The following CPNE7 variants were observed in gnomAD, a reference collection of about 807,000 sequenced individuals.
CPNE7 encodes copine 7.
A neutral mutation model predicts 66.5 loss-of-function variants in CPNE7; 78 were observed. The observed-to-expected ratio is 1.17, with a 90% CI of 0.98 to 1.42. The LOEUF (loss-of-function observed/expected upper bound fraction) is 1.42. CPNE7 is among the 40% of genes most tolerant of loss of function. The pLI, the probability that CPNE7 is intolerant of heterozygous loss-of-function variation, is 0.00. For missense variants in CPNE7, 1,012 were observed against 776.6 expected, an observed-to-expected ratio of 1.30 and a Z score of -3.60; for synonymous variants, 468 against 336.7, an observed-to-expected ratio of 1.39 and a Z score of -4.27.
rs545832005 is a variant in CPNE7, at chr16:89,588,566, G to A, written c.928-109G>A. ...GCCCCCCAGCCCTACCCACCTACGCGACCCCTGACCCTGAGTCCTGGCCAC... is the reference window on the plus strand; with the variant it reads ...GCCCCCCAGCCCTACCCACCTACGCAACCCCTGACCCTGAGTCCTGGCCAC... On this transcript the variant is annotated intron_variant, in intron 9 of 14. Coordinates refer to ENST00000319518, the MANE Select transcript of CPNE7 (RefSeq NM_153636.3). 2,134 of 1,414,948 alleles carry A rather than the reference G, an allele frequency of 1.5e-3. 5 individuals are homozygous for A. Among genetic ancestry groups the A allele is most frequent in the Middle Eastern group, 9.8e-3 (40 of 4,102 alleles). The allele number at this position is 1,414,948 out of a possible 1,614,324, so 87.6% of individuals were successfully genotyped here. A position where few individuals can be genotyped will look rare whatever the true frequency, so the allele number is the denominator to read the frequency against.
Position 89,589,987 on chromosome 16 carries a change from G to T in CPNE7, c.1116+36G>T, listed in dbSNP as rs111584845. 5.6e-6 allele frequency: 9 copies of T among 1,611,070 alleles called. No homozygotes were observed. The African/African-American group carries it at 6.7e-5, about 12-fold the overall frequency. Reference sequence around the variant, plus strand: ...CCAGAACCTGAGACCTCAGAGCTGTGCCCTTCTCGTGCCCTCCCAGGCAGA... The same window carrying T: ...CCAGAACCTGAGACCTCAGAGCTGTTCCCTTCTCGTGCCCTCCCAGGCAGA... On this transcript the variant is annotated intron_variant, in intron 11 of 14. Coordinates refer to ENST00000319518, the MANE Select transcript of CPNE7 (RefSeq NM_153636.3).
chr16:89,578,307 C>T (rs548699024), intron 2 of CPNE7, among the ~76,000 whole-genome samples: 240 of 152,198 alleles, frequency 1.6e-3, no homozygotes, highest in Middle Eastern at 6.8e-3. Context: ...TCGTGATCCG[C>T]CTGCCTTGTC....
chr16:89,583,328 G>A (rs1251517887), intron 2 of CPNE7: 1 of 998,576 alleles, frequency 1.0e-6, no homozygotes, highest in African/African-American at 1.6e-5. Context: ...AGAGGGTCAG[G>A]GCAGCCCTGC....
chr16:89,589,996 G>C, intron 11 of CPNE7, 45 bp downstream of exon 11: 8 of 1,606,736 alleles, frequency 5.0e-6, no homozygotes, highest in Non-Finnish European at 6.8e-6. Flanking sequence ...TGCCCTTCTC[G>C]TGCCCTCCCA....
At chr16:89,595,938 C>A in intron 14 of CPNE7, 1 of 529,628 alleles carries the variant, frequency 1.9e-6, no homozygotes, top group Non-Finnish European at 3.6e-6. Context: ...AGGTTCTACC[C>A]GCCGAGACAC....
At chr16:89,596,386 G>A (rs924709049) in intron 14 of CPNE7, 98 bp from the exon 15 acceptor site, 14 of 1,476,074 alleles carry the variant, frequency 9.5e-6, no homozygotes, top group African/African-American at 4.2e-5. Context: ...GTCACCACTC[G>A]GCTCTGGAGG....
In CPNE7 at chr16:89,584,217, C is replaced by A; in HGVS notation, c.507+115C>A. ...GGCTATGTCCCGTGTGAGACGTGTG[C>A]GGAGTGTGCCTGGGGCTGGGCGTGC... On this transcript the variant is annotated intron_variant, in intron 4 of 14. Coordinates refer to ENST00000319518, the MANE Select transcript of CPNE7 (RefSeq NM_153636.3). This position sits in a 1 kb window ranked among gnomAD's most constrained non-coding sequence, Gnocchi z 6.0. The A allele has an allele frequency of 2.9e-6, 3 of 1,046,146 alleles. No individual in the cohort carries two copies. Among genetic ancestry groups the A allele is most frequent in the East Asian group, 2.5e-5 (1 of 39,622 alleles). The allele number at this position is 1,046,146 out of a possible 1,614,324, so 64.8% of individuals were successfully genotyped here.
In CPNE7 at chr16:89,584,825, G is replaced by A. The variant is rs761792156; in HGVS notation, c.559G>A (p.Asp187Asn). The part of the protein sequence containing the change: ...PFLELYRVND[D>N]QGLQLVYRTE... ...CCTGGAGCTCTACAGGGTCAACGAC[G>A]ACCAGGGCTTGCAGCTGGTGTACAG... The change falls in exon 5 of 15, where the codon GAC becomes AAC. Residue 187 changes from aspartate to asparagine, a missense_variant. Physicochemically the swap from Asp to Asn is conservative, Grantham distance 23. Transcript: ENST00000319518. This position sits in a 1 kb window ranked among gnomAD's most constrained non-coding sequence, Gnocchi z 6.0. The A allele has an allele frequency of 6.8e-6, 11 of 1,613,650 alleles. No homozygotes were observed. The highest frequency in any genetic ancestry group is 6.7e-5 in the Admixed American group (4 of 60,020).
Position 89,589,890 on chromosome 16 carries a change from C to T in CPNE7, c.1062-7C>T, listed in dbSNP as rs970257949. On this transcript the variant is annotated splice_region_variant and splice_polypyrimidine_tract_variant and intron_variant, in intron 10 of 14. Coordinates refer to ENST00000319518, the MANE Select transcript of CPNE7 (RefSeq NM_153636.3). ...GGCCTCCTGGTGACCTCCTGCCTCTCTTCCAGTGACAAGAGGTTTTCCGCT... is the reference window on the plus strand; with the variant it reads ...GGCCTCCTGGTGACCTCCTGCCTCTTTTCCAGTGACAAGAGGTTTTCCGCT... 1.2e-6 allele frequency: 2 copies of T among 1,613,752 alleles called. No homozygotes were observed. Among genetic ancestry groups the T allele is most frequent in the East Asian group, 2.2e-5 (1 of 44,886 alleles).
rs3794630 is a variant in CPNE7 at position 89,588,813 on chromosome 16, G to T, written c.1061+5G>T. 5 of 1,612,864 alleles carry T rather than the reference G, an allele frequency of 3.1e-6. No homozygotes were observed. The highest frequency in any genetic ancestry group is 1.1e-5 in the South Asian group (1 of 91,042). ...GATCTGCCAGGACTATGACAGGTGC[G>T]CCCACCACCTTCCCCTCACCCCCTG... On this transcript the variant is annotated splice_donor_5th_base_variant and intron_variant, in intron 10 of 14. Transcript: ENST00000319518.
rs141192842 is a variant in CPNE7 at position 89,588,245 on chromosome 16, G to A, written c.928-430G>A. On this transcript the variant is annotated intron_variant, in intron 9 of 14. Transcript: ENST00000319518. ...GATACACGGCCCCCGTGTCACCCGCGTGTTATTTGCAGATGCGCTGGTTCG... is the reference window on the plus strand; with the variant it reads ...GATACACGGCCCCCGTGTCACCCGCATGTTATTTGCAGATGCGCTGGTTCG... Among the ~76,000 whole-genome samples, 24 of 127,386 alleles carry A rather than the reference G, an allele frequency of 1.9e-4. No individual in the cohort carries two copies. In the East Asian group the frequency reaches 2.9e-3, roughly 15 times the overall value. The allele number at this position is 127,386 out of a possible 152,430, so 83.6% of individuals were successfully genotyped here. A position where few individuals can be genotyped will look rare whatever the true frequency, so the allele number is the denominator to read the frequency against.
At chr16:89,576,092 G>A in intron 1 of CPNE7, 21 bp downstream of exon 1, 1 of 1,245,554 alleles carries the variant, frequency 8.0e-7, no homozygotes, top group Non-Finnish European at 1.0e-6. Flanking sequence ...GGCGTGGGAG[G>A]CCGAGAGGCC....
intron 9 of CPNE7, among the ~76,000 whole-genome samples, chr16:89,587,940 T>A (rs866388434): frequency 1.1e-3 from 13 of 12,140 alleles, no homozygotes; most frequent in East Asian, 2.3e-3. Context: ...CACCCACAGA[T>A]ACACGGCCCC....
chr16:89,590,382 G>A (rs2059149165), intron 11 of CPNE7, among the ~76,000 whole-genome samples: 1 of 152,004 alleles, frequency 6.6e-6, no homozygotes, highest in African/African-American at 2.4e-5. Flanking sequence ...AAAATTAGCT[G>A]GGCGTGGTGG....
chr16:89,595,517 G>A lies in CPNE7; in HGVS notation c.1453G>A (p.Gly485Ser), dbSNP rs753486988. Residue 485 changes from glycine (G) to serine (S), a missense_variant, in exon 14 of 15, where the codon GGC (glycine) becomes AGC (serine). Gly to Ser is a moderately conservative substitution (Grantham distance 56). Transcript: ENST00000319518. ...ADFTDMQVLD[G>S]DDGVLRSPRG... ...CTTCACCGACATGCAGGTCCTGGACGGCGACGACGGCGTCCTGCGCTCCCC... is the reference window on the plus strand; with the variant it reads ...CTTCACCGACATGCAGGTCCTGGACAGCGACGACGGCGTCCTGCGCTCCCC... The A allele has an allele frequency of 6.8e-6, 11 of 1,612,468 alleles. No homozygotes were observed. The highest frequency in any genetic ancestry group is 6.7e-5 in the East Asian group (3 of 44,890).
chr16:89,583,242 G>A (rs747668606), intron 2 of CPNE7, among the ~76,000 whole-genome samples: 1 of 152,144 alleles, frequency 6.6e-6, no homozygotes, highest in Admixed American at 6.5e-5. Context: ...TGGCTACGTG[G>A]ACATGCTGGG....
chr16:89,583,839 G>A (rs534942196), intron 3 of CPNE7, 68 bp downstream of exon 3: 20 of 1,569,192 alleles, frequency 1.3e-5, no homozygotes, highest in African/African-American at 8.1e-5. Flanking sequence ...TGTTGTGGGC[G>A]GAAGATGGGC....
intron 9 of CPNE7, among the ~76,000 whole-genome samples, chr16:89,587,885 CCGCGTGTCA>C: frequency 2.8e-5 from 2 of 71,322 alleles, no homozygotes; most frequent in Non-Finnish European, 6.1e-5. Context: ...CCCGTGTCAC[CCGCGTGTCA>C]CCCACAGATA....
intron 9 of CPNE7, chr16:89,587,487 G>C (rs1284461411): frequency 4.5e-6 from 2 of 446,856 alleles, no homozygotes; most frequent in African/African-American, 2.1e-5. Context: ...GGTTCAGGAA[G>C]CAGCCCCAAG....
Sources: allele counts gnomAD v4.1 joint callset (sites outside exome capture counted in the v4.1 genomes callset), GRCh38; gene constraint gnomAD v4.1.1; non-coding constraint Gnocchi (gnomAD v3.1); transcripts MANE v1.5; gene names NCBI Gene and HGNC (gene_info 2026-07-23, HGNC 2026-07-21).